The following DNAH9 variants were observed in gnomAD, a reference collection of about 807,000 sequenced individuals.
DNAH9 encodes dynein axonemal heavy chain 9, also known as DNAH9 variant protein.
A neutral mutation model predicts 471.6 loss-of-function variants in DNAH9; 345 were observed. The ratio of observed to expected loss-of-function variants is 0.73; its 90% CI spans 0.67 to 0.80. The LOEUF is 0.80. Among genes scored for constraint, DNAH9 ranks in the 30% least tolerant of loss-of-function variants. The pLI, the probability that DNAH9 is intolerant of heterozygous loss-of-function variation, is 0.00. For synonymous variants in DNAH9, 2,093 were observed against 2,123.6 expected, an observed-to-expected ratio of 0.99 and a Z score of 0.40; for missense variants, 5,407 against 5,609.2, an observed-to-expected ratio of 0.96 and a Z score of 1.15.
At chr17:11,628,243 G>C (rs779073666) in intron 6 of DNAH9, among the ~76,000 whole-genome samples, 1 of 152,182 alleles carries the variant, frequency 6.6e-6, no homozygotes, top group South Asian at 2.1e-4. Context: ...CCTGCTAGAC[G>C]TGCTCAGGAG....
intron 14 of DNAH9, among the ~76,000 whole-genome samples, chr17:11,656,381 C>T (rs557688972): frequency 1.4e-4 from 22 of 152,110 alleles, no homozygotes; most frequent in Non-Finnish European, 2.4e-4. Context: ...ATTGTCTATT[C>T]GCATCTTTAG....
chr17:11,686,706 CTT>C (rs890097180), intron 19 of DNAH9, among the ~76,000 whole-genome samples: 2 of 152,160 alleles, frequency 1.3e-5, no homozygotes, highest in African/African-American at 4.8e-5. Flanking sequence ...ACATTCACCT[CTT>C]ATAAATACTT....
At position 11,666,173 on chromosome 17, in the gene DNAH9, A is replaced by T. The variant is rs537499862; in HGVS notation, c.2731+1205A>T. ...GGATAACTGGCTCTTACGGACCAGCACTGGTGGTGTCCACCTTAGTGAACT... is the reference window on the plus strand; with the variant it reads ...GGATAACTGGCTCTTACGGACCAGCTCTGGTGGTGTCCACCTTAGTGAACT... On this transcript the variant is annotated intron_variant, in intron 15 of 68. Transcript: ENST00000262442. 2.0e-5 allele frequency among the ~76,000 whole-genome samples: 3 copies of T among 152,306 alleles called. No individual in the cohort carries two copies. The South Asian group carries it at 6.2e-4, about 32-fold the overall frequency.
rs1555584612 is a variant in DNAH9 at position 11,762,766 on chromosome 17, T to TG, written c.6996-674_6996-673insG. Among the ~76,000 whole-genome samples the TG allele has an allele frequency of 2.6e-3, 223 of 87,312 alleles. 6 individuals are homozygous for TG. Among genetic ancestry groups the TG allele is most frequent in the Middle Eastern group, 0.011 (2 of 186 alleles). 57.3% of individuals were successfully genotyped at this position (87,312 alleles called of 152,430 possible). ...ATTGCCTCTTTAGGTGCGTTTTTTT[T>TG]TTTGTTTTTTTTTTTTTTTTTTTTT... On this transcript the variant is annotated intron_variant, in intron 35 of 68. Transcript: ENST00000262442.
chr17:11,706,450 A>G (rs1050696491), intron 26 of DNAH9, among the ~76,000 whole-genome samples: 2 of 152,184 alleles, frequency 1.3e-5, no homozygotes, highest in African/African-American at 4.8e-5. Flanking sequence ...ACATATGTAG[A>G]TAAAAATTTA....
chr17:11,807,582 A>G lies in DNAH9; in HGVS notation c.8421-150A>G, dbSNP rs1207114929. 24 of 803,974 alleles carry G rather than the reference A, an allele frequency of 3.0e-5. No individual in the cohort carries two copies. In the East Asian group the frequency reaches 6.1e-4, roughly 20 times the overall value. 49.8% of individuals were successfully genotyped at this position (803,974 alleles called of 1,614,324 possible). ...TCAGCTCGGGCAAGAAGGTGAGGCCAGGTTTAGGGACAATCTAATAAACGT... is the reference window on the plus strand; with the variant it reads ...TCAGCTCGGGCAAGAAGGTGAGGCCGGGTTTAGGGACAATCTAATAAACGT... On this transcript the variant is annotated intron_variant, in intron 43 of 68. Transcript: ENST00000262442.
At chr17:11,753,591 C>T (rs754458912) in intron 33 of DNAH9, among the ~76,000 whole-genome samples, 4 of 152,064 alleles carry the variant, frequency 2.6e-5, no homozygotes, top group Admixed American at 6.5e-5. Context: ...TGCTTGAACC[C>T]GGAGGCAGAG....
At chr17:11,776,648 A>G (rs1968447637) in intron 38 of DNAH9, among the ~76,000 whole-genome samples, 1 of 152,180 alleles carries the variant, frequency 6.6e-6, no homozygotes, top group African/African-American at 2.4e-5. Flanking sequence ...AACTATGAAG[A>G]CCTTCTACTT....
intron 67 of DNAH9, 127 bp from the exon 68 acceptor site, chr17:11,961,740 A>G (rs1262599570): frequency 8.5e-7 from 1 of 1,175,026 alleles, no homozygotes. Context: ...TTTATGTTCA[A>G]ATGACATGAA....
At chr17:11,716,921 A>G (rs189594129) in intron 26 of DNAH9, among the ~76,000 whole-genome samples, 68 of 152,336 alleles carry the variant, frequency 4.5e-4, no homozygotes, top group African/African-American at 1.5e-3. Context: ...AGGAAGCCCA[A>G]GGCTGGGAGA....
chr17:11,796,961 C>T (rs1969265996), intron 42 of DNAH9, among the ~76,000 whole-genome samples: 1 of 152,134 alleles, frequency 6.6e-6, no homozygotes, highest in Admixed American at 6.6e-5. Context: ...AACATGGTAA[C>T]ATTTCTCCTA....
intron 45 of DNAH9, among the ~76,000 whole-genome samples, chr17:11,820,684 G>C (rs777566641): frequency 2.6e-5 from 4 of 151,858 alleles, no homozygotes; most frequent in Non-Finnish European, 5.9e-5. Flanking sequence ...TACATACTAA[G>C]ATTAACCACT....
intron 6 of DNAH9, among the ~76,000 whole-genome samples, chr17:11,627,397 C>T (rs966731054): frequency 6.6e-6 from 1 of 152,156 alleles, no homozygotes; most frequent in Non-Finnish European, 1.5e-5. Context: ...TATCACAACG[C>T]ATCTACCTTT....
chr17:11,908,558 C>T (rs1009537864), intron 61 of DNAH9, among the ~76,000 whole-genome samples: 1 of 152,206 alleles, frequency 6.6e-6, no homozygotes, highest in Admixed American at 6.5e-5. Flanking sequence ...GTAGTCAGAG[C>T]TGTAGGCACA....
chr17:11,721,619 G>A (rs2075060648), intron 27 of DNAH9, among the ~76,000 whole-genome samples: 1 of 152,044 alleles, frequency 6.6e-6, no homozygotes, highest in South Asian at 2.1e-4. Flanking sequence ...GGGAGAGAGA[G>A]GGAGAGAGAG....
chr17:11,757,734 T>C, intron 35 of DNAH9, 42 bp downstream of exon 35: 1 of 1,604,342 alleles, frequency 6.2e-7, no homozygotes, highest in Non-Finnish European at 8.5e-7. Flanking sequence ...AAAGCAGCAA[T>C]AAAAAGCCCA....
chr17:11,803,884 GGAGA>G (rs1969561202), intron 43 of DNAH9, among the ~76,000 whole-genome samples: 1 of 152,184 alleles, frequency 6.6e-6, no homozygotes, highest in African/African-American at 2.4e-5. Context: ...TTCTGAATCA[GGAGA>G]GAGAGGCTGG....
At chr17:11,942,889 G>GT (rs776931023) in intron 67 of DNAH9, among the ~76,000 whole-genome samples, 18 of 135,496 alleles carry the variant, frequency 1.3e-4, no homozygotes, top group South Asian at 4.8e-4. Context: ...ACATTGGCTT[G>GT]TTTTTTCTTT....
chr17:11,789,233 G>A (rs999952867), intron 41 of DNAH9, among the ~76,000 whole-genome samples: 22 of 152,106 alleles, frequency 1.4e-4, no homozygotes, highest in African/African-American at 5.3e-4. Flanking sequence ...TTTGAGAAGT[G>A]TTTCCTCTTT....
Sources: allele counts gnomAD v4.1 joint callset (sites outside exome capture counted in the v4.1 genomes callset), GRCh38; gene constraint gnomAD v4.1.1; transcripts MANE v1.5; gene names NCBI Gene and HGNC (gene_info 2026-07-23, HGNC 2026-07-21).